The following ANGPT1 variants were observed in gnomAD, a reference collection of about 807,000 sequenced individuals.
The protein encoded by ANGPT1 is angiopoietin 1.
In ANGPT1, 17 loss-of-function variants were observed where a neutral mutation model predicts 62.2. That is an observed-to-expected ratio of 0.27 (90% CI 0.19 to 0.41). ANGPT1 has a LOEUF of 0.41. Among genes scored for constraint, ANGPT1 ranks in the 10% least tolerant of loss-of-function variants. ANGPT1 has a pLI of 1.00. For missense variants in ANGPT1, 478 were observed against 594.9 expected, an observed-to-expected ratio of 0.80 and a Z score of 2.04; for synonymous variants, 199 against 198.9, an observed-to-expected ratio of 1.00 and a Z score of 0.00.
chr8:107,323,967 G>C (rs927542039), intron 3 of ANGPT1, among the ~76,000 whole-genome samples: 17 of 151,882 alleles, frequency 1.1e-4, no homozygotes, highest in South Asian at 2.1e-4. Context: ...TTTTAGTAGA[G>C]ATGGGGTTTT....
At chr8:107,295,860 C>T (rs941540647) in intron 5 of ANGPT1, among the ~76,000 whole-genome samples, 2 of 152,006 alleles carry the variant, frequency 1.3e-5, no homozygotes, top group African/African-American at 4.8e-5. Context: ...TTGTTAAGGA[C>T]CAAATAATAT....
chr8:107,467,193 C>A (rs1300848487), intron 1 of ANGPT1, among the ~76,000 whole-genome samples: 3 of 151,858 alleles, frequency 2.0e-5, no homozygotes, highest in Non-Finnish European at 1.5e-5. Flanking sequence ...GATAGATACC[C>A]CAATTACCTT....
intron 1 of ANGPT1, among the ~76,000 whole-genome samples, chr8:107,353,141 A>G (rs941118401): frequency 2.6e-5 from 4 of 152,192 alleles, no homozygotes; most frequent in Non-Finnish European, 4.4e-5. Flanking sequence ...CATGGATCCC[A>G]TTTCTCATTT....
At chr8:107,267,396 T>C (rs914595860) in intron 7 of ANGPT1, among the ~76,000 whole-genome samples, 4 of 152,104 alleles carry the variant, frequency 2.6e-5, no homozygotes, top group African/African-American at 7.2e-5. Flanking sequence ...GGTATATAGG[T>C]ATAGGTATTA....
chr8:107,388,883 T>A (rs1283705), intron 1 of ANGPT1, among the ~76,000 whole-genome samples: 72,270 of 152,050 alleles, frequency 0.48, 19,009 homozygotes, highest in Middle Eastern at 0.59. Context: ...AGTAAAGTAT[T>A]ACCAGAAGGG....
intron 1 of ANGPT1, among the ~76,000 whole-genome samples, chr8:107,489,616 C>T (rs545499624): frequency 6.2e-4 from 95 of 152,198 alleles, no homozygotes; most frequent in African/African-American, 2.0e-3. Flanking sequence ...CTAATTATTT[C>T]GAATTAGATA....
intron 8 of ANGPT1, among the ~76,000 whole-genome samples, chr8:107,262,491 G>C (rs911315403): frequency 2.6e-5 from 4 of 152,218 alleles, no homozygotes; most frequent in African/African-American, 9.6e-5. Flanking sequence ...GTACAACATA[G>C]AGATGAGTTT....
chr8:107,305,054 A>G (rs1171981902), intron 4 of ANGPT1, among the ~76,000 whole-genome samples: 1 of 152,038 alleles, frequency 6.6e-6, no homozygotes, highest in Non-Finnish European at 1.5e-5. Flanking sequence ...TTTCAAAAGC[A>G]TTGACGTAGT....
intron 1 of ANGPT1, among the ~76,000 whole-genome samples, chr8:107,442,393 G>T (rs1811504418): frequency 6.6e-6 from 1 of 152,124 alleles, no homozygotes; most frequent in Admixed American, 6.6e-5. Flanking sequence ...ATCTAATCTA[G>T]TTTCAAGTTG....
chr8:107,271,695 GCTGA>G (rs757151858), intron 7 of ANGPT1, among the ~76,000 whole-genome samples: 12 of 152,048 alleles, frequency 7.9e-5, no homozygotes, highest in Non-Finnish European at 1.5e-4. Flanking sequence ...GAGTTGCTTT[GCTGA>G]CTGACTATGT....
intron 4 of ANGPT1, among the ~76,000 whole-genome samples, chr8:107,317,597 G>C (rs4389897): frequency 0.62 from 93,268 of 151,156 alleles, 29,412 homozygotes; most frequent in African/African-American, 0.75. Flanking sequence ...TTAATCACCA[G>C]TGTACATAGA....
rs1813155867 is a variant in ANGPT1 at position 107,497,766 on chromosome 8, G to A, written c.-208C>T. 1.7e-6 allele frequency: 1 copy of A among 587,660 alleles called. No homozygotes were observed. 36.4% of individuals were successfully genotyped at this position (587,660 alleles called of 1,614,324 possible). On this transcript the variant is annotated 5_prime_UTR_variant, in exon 1 of 9. Coordinates refer to ENST00000517746, the MANE Select transcript of ANGPT1 (RefSeq NM_001146.5). ...AAATTTTTTATTTCACTGCAATGATGTTTTTCTTCGTTAAAACTTGAGATA... is the reference window on the plus strand; with the variant it reads ...AAATTTTTTATTTCACTGCAATGATATTTTTCTTCGTTAAAACTTGAGATA...
Position 107,261,704 on chromosome 8 carries a change from A to T in ANGPT1, c.1336+2517T>A, listed in dbSNP as rs1186529864. On this transcript the variant is annotated intron_variant, in intron 8 of 8. Transcript: ENST00000517746. ...TGGGTGACAGAGCAAGACTCCATCT[A>T]AAAAAAAAAAAAGAAAGAAAGAAAG... is the stretch of plus-strand genomic sequence containing the variant. Among the ~76,000 whole-genome samples, 6 of 134,352 alleles carry T rather than the reference A, an allele frequency of 4.5e-5. No individual in the cohort carries two copies. The South Asian group carries it at 1.1e-3, about 25-fold the overall frequency. 88.1% of individuals were successfully genotyped at this position (134,352 alleles called of 152,430 possible). A position where few individuals can be genotyped will look rare whatever the true frequency, so the allele number is the denominator to read the frequency against.
intron 4 of ANGPT1, among the ~76,000 whole-genome samples, chr8:107,312,480 C>T (rs1395362380): frequency 3.3e-5 from 5 of 152,194 alleles, no homozygotes; most frequent in Non-Finnish European, 2.9e-5. Context: ...ACATAGAAAG[C>T]AGTTGCCAGA....
intron 1 of ANGPT1, among the ~76,000 whole-genome samples, chr8:107,434,535 G>A (rs1811284084): frequency 2.0e-5 from 3 of 152,080 alleles, no homozygotes; most frequent in Admixed American, 1.3e-4. Context: ...TTCAGTAGAG[G>A]AGATGAACGA....
At chr8:107,413,491 A>G (rs890644530) in intron 1 of ANGPT1, among the ~76,000 whole-genome samples, 1 of 151,976 alleles carries the variant, frequency 6.6e-6, no homozygotes, top group Non-Finnish European at 1.5e-5. Flanking sequence ...AATTTAACCA[A>G]AAAACCCTCA....
chr8:107,446,797 G>C (rs1811635583), intron 1 of ANGPT1, among the ~76,000 whole-genome samples: 1 of 152,116 alleles, frequency 6.6e-6, no homozygotes, highest in Admixed American at 6.5e-5. Context: ...ATATGCTTGA[G>C]GCTCTCAAAT....
chr8:107,308,425 A>C (rs1586208996), intron 4 of ANGPT1, among the ~76,000 whole-genome samples: 2 of 152,158 alleles, frequency 1.3e-5, no homozygotes, highest in Admixed American at 6.5e-5. Context: ...ACCTGGTCAC[A>C]AGATAGCTGG....
intron 7 of ANGPT1, among the ~76,000 whole-genome samples, chr8:107,282,553 C>CATAT (rs753412026): frequency 0.041 from 2,069 of 50,932 alleles, 117 homozygotes; most frequent in Non-Finnish European, 0.049. Context: ...ATATATGAAC[C>CATAT]ATATATATAT....
Sources: allele counts gnomAD v4.1 joint callset (sites outside exome capture counted in the v4.1 genomes callset), GRCh38; gene constraint gnomAD v4.1.1; transcripts MANE v1.5; gene names NCBI Gene and HGNC (gene_info 2026-07-23, HGNC 2026-07-21).